Variants in IPCEF1 observed in about 807,000 individuals in gnomAD.
IPCEF1 encodes the protein interaction protein for cytohesin exchange factors 1.
Under a neutral mutation model 50.9 loss-of-function variants are expected in IPCEF1, and 31 were observed. That is an observed-to-expected ratio of 0.61 (90% CI 0.46 to 0.82). IPCEF1 has a LOEUF of 0.82. Among genes scored for constraint, IPCEF1 ranks in the 40% least tolerant of loss-of-function variants. The pLI, the probability that IPCEF1 is intolerant of heterozygous loss-of-function variation, is 0.00. For synonymous variants in IPCEF1, 181 were observed against 192.0 expected, an observed-to-expected ratio of 0.94 and a Z score of 0.47; for missense variants, 458 against 514.0, an observed-to-expected ratio of 0.89 and a Z score of 1.05.
At chr6:154,273,724 C>CTTTTTTTTCTTTTTTTTTTTTTTTT (rs1781961915) in intron 2 of IPCEF1, among the ~76,000 whole-genome samples, 1 of 63,316 alleles carries the variant, frequency 1.6e-5, no homozygotes, top group African/African-American at 5.6e-5. Flanking sequence ...TTCTTTCTTT[C>CTTTTTTTTCTTTTTTTTTTTTTTTT]TTTTTTTTTT....
At chr6:154,250,273 C>G (rs1781305063) in intron 3 of IPCEF1, among the ~76,000 whole-genome samples, 2 of 150,206 alleles carry the variant, frequency 1.3e-5, no homozygotes, top group African/African-American at 2.4e-5. Flanking sequence ...AAAAAGCAAG[C>G]AACCAGTTGA....
chr6:154,205,485 C>G (rs1200866921), intron 9 of IPCEF1, among the ~76,000 whole-genome samples: 1 of 152,122 alleles, frequency 6.6e-6, no homozygotes, highest in Admixed American at 6.5e-5. Flanking sequence ...ATCCCAGCTA[C>G]TTGGGAGGCT....
chr6:154,241,447 G>A (rs1052251233), intron 5 of IPCEF1, among the ~76,000 whole-genome samples: 4 of 151,858 alleles, frequency 2.6e-5, no homozygotes, highest in Admixed American at 6.6e-5. Context: ...AGTAAGCGAC[G>A]GTGAATCTAA....
intron 11 of IPCEF1, 50 bp downstream of exon 11, chr6:154,167,870 T>C: frequency 1.4e-6 from 2 of 1,385,066 alleles, no homozygotes; most frequent in Non-Finnish European, 2.0e-6. Flanking sequence ...GAACCAGCCG[T>C]TCCTTGCCCC....
intron 7 of IPCEF1, 63 bp downstream of exon 7, chr6:154,221,194 G>A: frequency 8.6e-7 from 1 of 1,156,736 alleles, no homozygotes; most frequent in Non-Finnish European, 1.3e-6. Flanking sequence ...TAGAATTCCA[G>A]TACCAGGCTA....
intron 1 of IPCEF1, among the ~76,000 whole-genome samples, chr6:154,298,779 C>T (rs954768888): frequency 2.0e-5 from 3 of 152,144 alleles, no homozygotes; most frequent in African/African-American, 4.8e-5. Flanking sequence ...GCCTGATCAA[C>T]GTGGTGAAAC....
chr6:154,189,614 G>A (rs1167236853), intron 10 of IPCEF1, among the ~76,000 whole-genome samples: 1 of 152,198 alleles, frequency 6.6e-6, no homozygotes, highest in African/African-American at 2.4e-5. Flanking sequence ...TTAAAGTGAT[G>A]GATATGGTAT....
At chr6:154,283,330 C>G (rs1200764110) in intron 2 of IPCEF1, among the ~76,000 whole-genome samples, 1 of 147,628 alleles carries the variant, frequency 6.8e-6, no homozygotes, top group Non-Finnish European at 1.5e-5. Context: ...GGCACAGTGC[C>G]TCACACCTGT....
chr6:154,200,590 G>A (rs187321353), intron 9 of IPCEF1, among the ~76,000 whole-genome samples: 16 of 152,068 alleles, frequency 1.1e-4, no homozygotes, highest in African/African-American at 1.9e-4. Context: ...GCTTGGTGGC[G>A]CGCACCTGTA....
intron 3 of IPCEF1, among the ~76,000 whole-genome samples, chr6:154,255,341 C>A (rs1379981393): frequency 1.3e-5 from 2 of 152,060 alleles, no homozygotes; most frequent in Non-Finnish European, 2.9e-5. Context: ...GTATTTTCAC[C>A]CCTGGCACTT....
intron 7 of IPCEF1, among the ~76,000 whole-genome samples, chr6:154,216,626 T>C (rs1328033054): frequency 6.6e-6 from 1 of 152,174 alleles, no homozygotes; most frequent in Non-Finnish European, 1.5e-5. Flanking sequence ...TCCCAGCACT[T>C]TGGGAGGCCA....
At chr6:154,317,448 C>T (rs1463260434) in intron 1 of IPCEF1, among the ~76,000 whole-genome samples, 1 of 143,700 alleles carries the variant, frequency 7.0e-6, no homozygotes, top group Non-Finnish European at 1.5e-5. Context: ...ACTCAGGAGG[C>T]TAAGGCAGAA....
At chr6:154,185,889 G>A (rs182734451) in intron 10 of IPCEF1, among the ~76,000 whole-genome samples, 7 of 152,272 alleles carry the variant, frequency 4.6e-5, no homozygotes, top group African/African-American at 1.7e-4. Flanking sequence ...GTTTAATCTT[G>A]GCTTTTTGCT....
At chr6:154,323,239 C>T (rs1008608377) in intron 1 of IPCEF1, among the ~76,000 whole-genome samples, 2 of 152,132 alleles carry the variant, frequency 1.3e-5, no homozygotes, top group African/African-American at 4.8e-5. Flanking sequence ...ACACAGCTGT[C>T]CCCTCCATTC....
intron 6 of IPCEF1, 63 bp from the exon 7 acceptor site, chr6:154,221,391 AAGT>A (rs1338104696): frequency 1.6e-6 from 2 of 1,250,802 alleles, no homozygotes; most frequent in Non-Finnish European, 2.3e-6. Flanking sequence ...ATGGGTCTGA[AAGT>A]AAATCAGTAA....
At chr6:154,181,768 C>T (rs550265710) in intron 10 of IPCEF1, among the ~76,000 whole-genome samples, 2 of 152,280 alleles carry the variant, frequency 1.3e-5, no homozygotes, top group South Asian at 4.1e-4. Flanking sequence ...GATAAGCCAG[C>T]CAGCAATCTA....
At chr6:154,233,410 G>T (rs536748485) in intron 5 of IPCEF1, among the ~76,000 whole-genome samples, 23 of 152,048 alleles carry the variant, frequency 1.5e-4, no homozygotes, top group South Asian at 6.2e-4. Context: ...ATTATTTGGG[G>T]TATTTTTACT....
At chr6:154,292,288 A>G (rs1782535479) in intron 1 of IPCEF1, among the ~76,000 whole-genome samples, 1 of 152,190 alleles carries the variant, frequency 6.6e-6, no homozygotes, top group Non-Finnish European at 1.5e-5. Flanking sequence ...CCTTCTTTGT[A>G]TACATTAGGA....
chr6:154,192,800 A>C (rs1375052037), intron 10 of IPCEF1, among the ~76,000 whole-genome samples: 1 of 152,212 alleles, frequency 6.6e-6, no homozygotes, highest in East Asian at 1.9e-4. Context: ...TTGCCAGGGA[A>C]ATGCAAATCA....
Sources: gnomAD v4.1 joint callset for allele counts (sites outside exome capture counted in the v4.1 genomes callset) on GRCh38, gnomAD v4.1.1 for gene constraint, MANE v1.5 for transcripts, NCBI Gene and HGNC (gene_info 2026-07-23, HGNC 2026-07-21) for gene names.